Variants in VAV3 observed in about 807,000 individuals in gnomAD.
VAV3 encodes guanine nucleotide exchange factor VAV3.
A neutral mutation model predicts 131.2 loss-of-function variants in VAV3; 94 were observed. The observed-to-expected ratio is 0.72, with a 90% confidence interval of 0.61 to 0.85. The LOEUF is 0.85. Ranked by LOEUF, VAV3 falls within the 40% of genes least tolerant of loss-of-function variation. VAV3 has a pLI of 0.00. For synonymous variants in VAV3, 349 were observed against 342.0 expected, an observed-to-expected ratio of 1.02 and a Z score of -0.22; for missense variants, 939 against 1,002.7, an observed-to-expected ratio of 0.94 and a Z score of 0.86.
chr1:107,608,264 TAA>T (rs1431170262), intron 22 of VAV3, among the ~76,000 whole-genome samples: 1 of 152,168 alleles, frequency 6.6e-6, no homozygotes, highest in Non-Finnish European at 1.5e-5. Flanking sequence ...AGGTACCTAA[TAA>T]GTTTATTTCA....
chr1:107,954,227 ATG>A (rs1674691017), intron 1 of VAV3, among the ~76,000 whole-genome samples: 1 of 152,204 alleles, frequency 6.6e-6, no homozygotes. Context: ...TAGAAAAAAA[ATG>A]CCCTATCAAA....
chr1:107,778,683 T>G (rs1472883734), intron 3 of VAV3, among the ~76,000 whole-genome samples: 1 of 152,128 alleles, frequency 6.6e-6, no homozygotes, highest in Non-Finnish European at 1.5e-5. Flanking sequence ...AAAATGGCTG[T>G]GATGGCCAGA....
At chr1:107,833,004 T>A (rs1394452714) in intron 2 of VAV3, among the ~76,000 whole-genome samples, 2 of 152,180 alleles carry the variant, frequency 1.3e-5, no homozygotes, top group African/African-American at 4.8e-5. Flanking sequence ...AATACATGAT[T>A]TTTTTCGCAA....
rs58066453 is a variant in VAV3, at chr1:107,783,236, A to G, written c.322-3744T>C. Reference sequence around the variant, plus strand: ...GGAAGGACCATTGAGAAAGTGTGGAAAGGACAATCACAGGGTCAAAACTGC... The same window carrying G: ...GGAAGGACCATTGAGAAAGTGTGGAGAGGACAATCACAGGGTCAAAACTGC... On this transcript the variant is annotated intron_variant, in intron 2 of 26. Coordinates refer to ENST00000370056, the MANE Select transcript of VAV3 (RefSeq NM_006113.5). Among the ~76,000 whole-genome samples, 1,035 of 152,288 alleles carry G rather than the reference A, an allele frequency of 6.8e-3. 10 individuals carry two copies. Among genetic ancestry groups the G allele is most frequent in the African/African-American group, 0.024 (985 of 41,544 alleles).
At chr1:107,909,915 G>A (rs150801130) in intron 1 of VAV3, among the ~76,000 whole-genome samples, 72 of 152,112 alleles carry the variant, frequency 4.7e-4, no homozygotes, top group Non-Finnish European at 9.0e-4. Context: ...ATTCCAAATC[G>A]GTTACAGGTT....
intron 2 of VAV3, among the ~76,000 whole-genome samples, chr1:107,822,658 AAAT>A (rs1327899061): frequency 0.042 from 9 of 216 alleles, no homozygotes; most frequent in Non-Finnish European, 0.11. Context: ...ATCTCAAAAA[AAAT>A]AAATAAATAA....
Position 107,835,886 on chromosome 1 carries a change from T to C in VAV3, c.321+39015A>G, listed in dbSNP as rs893350100. Reference sequence around the variant, plus strand: ...GAGGACCAGCAGACCTCCGGAATTCTGCAGGTTTCTGGCAATCTAACCTTC... The same window carrying C: ...GAGGACCAGCAGACCTCCGGAATTCCGCAGGTTTCTGGCAATCTAACCTTC... On this transcript the variant is annotated intron_variant, in intron 2 of 26. Transcript: ENST00000370056. 2.0e-5 allele frequency among the ~76,000 whole-genome samples: 3 copies of C among 152,212 alleles called. 1 individual carries two copies. The highest frequency in any genetic ancestry group is 4.4e-5 in the Non-Finnish European group (3 of 68,048).
At chr1:107,881,434 C>A (rs1335551332) in intron 1 of VAV3, among the ~76,000 whole-genome samples, 1 of 152,084 alleles carries the variant, frequency 6.6e-6, no homozygotes, top group Non-Finnish European at 1.5e-5. Flanking sequence ...AATTGGGGGA[C>A]ATAGTATGTG....
At chr1:107,701,693 T>C (rs1660143862) in intron 17 of VAV3, among the ~76,000 whole-genome samples, 1 of 152,100 alleles carries the variant, frequency 6.6e-6, no homozygotes, top group Non-Finnish European at 1.5e-5. Flanking sequence ...AAACATAAGT[T>C]CCAATTTCAA....
chr1:107,588,802 AG>A (rs1650709973), intron 25 of VAV3, among the ~76,000 whole-genome samples: 1 of 152,204 alleles, frequency 6.6e-6, no homozygotes, highest in South Asian at 2.1e-4. Flanking sequence ...GGGTTTGAAA[AG>A]TAAGAGTGTC....
chr1:107,868,902 T>C (rs1311960900), intron 2 of VAV3, among the ~76,000 whole-genome samples: 1 of 152,122 alleles, frequency 6.6e-6, no homozygotes, highest in East Asian at 1.9e-4. Context: ...GAAAAACCTA[T>C]AGATATACAT....
chr1:107,766,238 C>T (rs1664725756), intron 8 of VAV3, among the ~76,000 whole-genome samples: 2 of 152,018 alleles, frequency 1.3e-5, no homozygotes, highest in Admixed American at 6.6e-5. Flanking sequence ...GGGTCCTTCC[C>T]CCTCCTCCTT....
At chr1:107,940,757 A>G (rs534903186) in intron 1 of VAV3, among the ~76,000 whole-genome samples, 1 of 152,286 alleles carries the variant, frequency 6.6e-6, no homozygotes, top group East Asian at 1.9e-4. Context: ...GATTCCATTT[A>G]TATGCAGTAT....
intron 6 of VAV3, 81 bp downstream of exon 6, chr1:107,770,555 C>T: frequency 1.1e-6 from 1 of 917,838 alleles, no homozygotes; most frequent in East Asian, 2.4e-5. Context: ...CACATACACA[C>T]CTTCAGAAGA....
rs1271303241 is a variant in VAV3 at position 107,779,455 on chromosome 1, A to G, written c.359T>C (p.Ile120Thr). 1.3e-6 allele frequency: 2 copies of G among 1,592,598 alleles called. No individual in the cohort carries two copies. The highest frequency in any genetic ancestry group is 2.3e-5 in the East Asian group (1 of 43,678). Reference sequence around the variant, plus strand: ...TTACCTGATTCCTGTGGCCAATGCTATAGGTGTTCGAGAAAGTCGTGATAA... The same window carrying G: ...TTACCTGATTCCTGTGGCCAATGCTGTAGGTGTTCGAGAAAGTCGTGATAA... ...ETLSRLSRTP[I>T]ALATGIRPFP... The change falls in exon 3 of 27, where the codon ATA (isoleucine) becomes ACA (threonine). Residue 120 changes from isoleucine (I) to threonine (T), a missense_variant. By Grantham distance (89) the Ile-to-Thr change is moderately conservative (BLOSUM62 -1). Transcript: ENST00000370056.
chr1:107,947,385 G>C (rs1209995714), intron 1 of VAV3, among the ~76,000 whole-genome samples: 1 of 32,220 alleles, frequency 3.1e-5, no homozygotes, highest in African/African-American at 6.3e-5. Context: ...CGAAGTTATA[G>C]AGTTCTAAGA....
chr1:107,723,716 G>A (rs1661657272), intron 15 of VAV3, among the ~76,000 whole-genome samples: 1 of 151,934 alleles, frequency 6.6e-6, no homozygotes, highest in African/African-American at 2.4e-5. Context: ...CAGAGGAGCT[G>A]TTCCTTCCAA....
intron 2 of VAV3, among the ~76,000 whole-genome samples, chr1:107,818,811 C>T (rs986731181): frequency 7.9e-5 from 12 of 152,078 alleles, no homozygotes; most frequent in African/African-American, 2.7e-4. Context: ...GTTATTCAGT[C>T]CCCCCACCAG....
chr1:107,901,446 A>G (rs895170174), intron 1 of VAV3, among the ~76,000 whole-genome samples: 1 of 152,200 alleles, frequency 6.6e-6, no homozygotes, highest in African/African-American at 2.4e-5. Flanking sequence ...GTTCCTTTTA[A>G]TGGTGTATCT....
Sources: allele counts gnomAD v4.1 joint callset (sites outside exome capture counted in the v4.1 genomes callset), GRCh38; gene constraint gnomAD v4.1.1; transcripts MANE v1.5; gene names NCBI Gene and HGNC (gene_info 2026-07-23, HGNC 2026-07-21).